Variants in VPS50 observed in about 807,000 individuals in gnomAD.
VPS50 encodes the protein syndetin.
A neutral mutation model predicts 139.7 loss-of-function variants in VPS50; 70 were observed. The observed-to-expected ratio is 0.50, with a 90% CI of 0.41 to 0.61. The LOEUF (loss-of-function observed/expected upper bound fraction) is 0.61. VPS50 is among the 20% of genes least tolerant of loss of function. The pLI is 0.00. For synonymous variants in VPS50, 365 were observed against 376.7 expected (o/e 0.97, Z 0.36); for missense variants, 921 against 1,133.7 (o/e 0.81, Z 2.69).
At chr7:93,320,184 C>A (rs542589004) in intron 20 of VPS50, among the ~76,000 whole-genome samples, 1 of 152,040 alleles carries the variant, frequency 6.6e-6, no homozygotes, top group Admixed American at 6.5e-5. Context: ...GGACTCGGAA[C>A]TTTGTGTGAA....
chr7:93,249,909 T>C (rs1253931930), intron 2 of VPS50, among the ~76,000 whole-genome samples: 2 of 152,152 alleles, frequency 1.3e-5, no homozygotes, highest in African/African-American at 2.4e-5. Flanking sequence ...CGTGTGAGTT[T>C]TAACCAAGTC....
At chr7:93,334,655 G>A (rs1216872894) in intron 22 of VPS50, among the ~76,000 whole-genome samples, 2 of 152,168 alleles carry the variant, frequency 1.3e-5, no homozygotes, top group Non-Finnish European at 2.9e-5. Context: ...GAGTGTCTGG[G>A]ACACTTTATA....
At chr7:93,276,003 T>A in intron 11 of VPS50, 162 bp from the exon 12 acceptor site, 1 of 626,826 alleles carries the variant, frequency 1.6e-6, no homozygotes, top group Non-Finnish European at 2.7e-6. Flanking sequence ...TATTTGCAAA[T>A]AATATACCCA....
In VPS50 at chr7:93,284,169, G is replaced by GA. The variant is rs202210225; in HGVS notation, c.943-7528dup. Among the ~76,000 whole-genome samples, 1,263 of 152,188 alleles carry GA rather than the reference G, an allele frequency of 8.3e-3. 24 individuals carry two copies. The highest frequency in any genetic ancestry group is 9.8e-3 in the Non-Finnish European group (666 of 67,986). On this transcript the variant is annotated intron_variant, in intron 12 of 27. Transcript: ENST00000305866. Reference sequence around the variant, plus strand: ...GGTGGCACACAGCTTCCAGCAGAAAGAAAAAATAATTTACTAGTGGGAAAC... The same window carrying GA: ...GGTGGCACACAGCTTCCAGCAGAAAGAAAAAAATAATTTACTAGTGGGAAAC...
At chr7:93,238,117 A>G (rs909744623) in intron 1 of VPS50, among the ~76,000 whole-genome samples, 2 of 152,202 alleles carry the variant, frequency 1.3e-5, no homozygotes, top group African/African-American at 2.4e-5. Flanking sequence ...TCATGTGTGC[A>G]TATATAATGT....
chr7:93,274,243 C>G (rs1211330456), intron 11 of VPS50, among the ~76,000 whole-genome samples: 1 of 152,106 alleles, frequency 6.6e-6, no homozygotes, highest in Non-Finnish European at 1.5e-5. Context: ...CACGGAACAG[C>G]CTTCTATTGG....
rs759694173 is a variant in VPS50, at chr7:93,232,488, C to T, written c.21C>T (p.Leu7=). 6.2e-7 allele frequency: 1 copy of T among 1,613,510 alleles called. No individual in the cohort carries two copies. Among genetic ancestry groups the T allele is most frequent in the Non-Finnish European group, 8.5e-7 (1 of 1,179,530 alleles). ...TCGATATGCAAAAAATCAAATCTCT[C>T]ATGACCCGACAGGTAAGTCGCGGCG... MQKIKS[L]MTRQGLKSPQ... Residue 7 remains leucine (L), a synonymous_variant, in exon 1 of 28, where the codon CTC becomes CTT. Transcript: ENST00000305866.
At chr7:93,272,556 T>C (rs1378593873) in intron 10 of VPS50, 79 bp from the exon 11 acceptor site, 14 of 554,558 alleles carry the variant, frequency 2.5e-5, no homozygotes, top group African/African-American at 4.0e-5. Flanking sequence ...AAGTGAGAAA[T>C]TAGTCTTAAT....
intron 24 of VPS50, among the ~76,000 whole-genome samples, chr7:93,349,155 A>C (rs6952150): frequency 0.52 from 79,208 of 151,860 alleles, 22,375 homozygotes; most frequent in African/African-American, 0.74. Context: ...ATCTAGAGGA[A>C]GTAATGTTTA....
chr7:93,249,002 A>G (rs1209328515), intron 2 of VPS50, among the ~76,000 whole-genome samples: 1 of 152,058 alleles, frequency 6.6e-6, no homozygotes, highest in African/African-American at 2.4e-5. Flanking sequence ...TGTATGCTAC[A>G]TTTCTTTTTC....
At chr7:93,342,135 C>T (rs922520945) in intron 23 of VPS50, among the ~76,000 whole-genome samples, 8 of 152,152 alleles carry the variant, frequency 5.3e-5, no homozygotes, top group South Asian at 2.1e-4. Flanking sequence ...GTGCATGAGC[C>T]GAAGCAGGGC....
intron 21 of VPS50, among the ~76,000 whole-genome samples, chr7:93,331,586 A>T (rs899806452): frequency 6.6e-6 from 1 of 152,178 alleles, no homozygotes; most frequent in Non-Finnish European, 1.5e-5. Flanking sequence ...CAAGAATATA[A>T]ATAAACATTG....
chr7:93,314,507 A>G (rs1405200183), intron 20 of VPS50, among the ~76,000 whole-genome samples: 2 of 152,174 alleles, frequency 1.3e-5, no homozygotes, highest in Non-Finnish European at 1.5e-5. Flanking sequence ...GAGAAATTTT[A>G]GGAAATGTGT....
intron 22 of VPS50, among the ~76,000 whole-genome samples, chr7:93,339,163 T>A (rs1399753994): frequency 6.6e-6 from 1 of 152,044 alleles, no homozygotes; most frequent in Non-Finnish European, 1.5e-5. Context: ...GGTTATTTCC[T>A]TTTTAGAGGG....
intron 12 of VPS50, among the ~76,000 whole-genome samples, chr7:93,278,488 T>TG (rs1172443452): frequency 6.8e-6 from 1 of 147,440 alleles, no homozygotes; most frequent in Non-Finnish European, 1.5e-5. Context: ...TCCCTGCTAC[T>TG]GGGAAGGCTG....
chr7:93,276,653 A>G (rs1221761205), intron 12 of VPS50, among the ~76,000 whole-genome samples: 1 of 152,070 alleles, frequency 6.6e-6, no homozygotes, highest in Admixed American at 6.6e-5. Flanking sequence ...CAGATTTTCA[A>G]CCAGTTTTTT....
chr7:93,252,719 A>G lies in VPS50; in HGVS notation c.169A>G (p.Ile57Val), dbSNP rs1432845007. 6.3e-7 allele frequency: 1 copy of G among 1,587,446 alleles called. No homozygotes were observed. The highest frequency in any genetic ancestry group is 8.6e-7 in the Non-Finnish European group (1 of 1,158,902). ...AGCTGAACAAGAGCTTATTAATAGT[A>G]TTGAACAAGTATATTTTTCTGTGGA... ...PQAEQELINS[I>V]EQVYFSVDSF... Residue 57 changes from isoleucine (I) to valine (V), a missense_variant, in exon 3 of 28, where the codon ATT (isoleucine) becomes GTT (valine). Physicochemically the swap from Ile to Val is conservative, Grantham distance 29. Transcript: ENST00000305866.
At chr7:93,314,451 A>G (rs759266440) in intron 20 of VPS50, among the ~76,000 whole-genome samples, 4 of 152,162 alleles carry the variant, frequency 2.6e-5, no homozygotes, top group Non-Finnish European at 5.9e-5. Context: ...TGTATTATAT[A>G]AAGAGAAAAT....
At chr7:93,289,804 C>G (rs575941250) in intron 12 of VPS50, among the ~76,000 whole-genome samples, 1 of 152,150 alleles carries the variant, frequency 6.6e-6, no homozygotes, top group East Asian at 1.9e-4. Context: ...CCATCTTTAT[C>G]ATATACCAGA....
Sources: gnomAD v4.1 joint callset for allele counts (sites outside exome capture counted in the v4.1 genomes callset) on GRCh38, gnomAD v4.1.1 for gene constraint, MANE v1.5 for transcripts, NCBI Gene and HGNC (gene_info 2026-07-23, HGNC 2026-07-21) for gene names.